Variants in SLC6A2 observed in about 807,000 individuals in gnomAD.
The protein encoded by SLC6A2 is solute carrier family 6 member 2.
Under a neutral mutation model 71.7 loss-of-function variants are expected in SLC6A2, and 26 were observed. The observed-to-expected ratio is 0.36, with a 90% CI of 0.27 to 0.50. The LOEUF (loss-of-function observed/expected upper bound fraction) is 0.50, where lower values mean the gene tolerates loss of function less well. Ranked by LOEUF, SLC6A2 falls within the 20% of genes least tolerant of loss-of-function variation. SLC6A2 has a pLI of 0.96. For missense variants in SLC6A2, 581 were observed against 803.9 expected, an observed-to-expected ratio of 0.72 and a Z score of 3.35; for synonymous variants, 363 against 337.9, an observed-to-expected ratio of 1.07 and a Z score of -0.82.
intron 3 of SLC6A2, chr16:55,671,522 G>C (rs1023662781): frequency 4.0e-4 from 140 of 351,216 alleles, no homozygotes; most frequent in Non-Finnish European, 9.8e-5. Flanking sequence ...CAGGAGGTGA[G>C]CAGCGGGTAA....
At chr16:55,689,791 G>A (rs954195697) in intron 5 of SLC6A2, among the ~76,000 whole-genome samples, 8 of 152,162 alleles carry the variant, frequency 5.3e-5, no homozygotes, top group African/African-American at 1.9e-4. Context: ...TGTCCTTCCT[G>A]TTCTTGCCTC....
intron 4 of SLC6A2, among the ~76,000 whole-genome samples, chr16:55,680,464 A>T (rs943570701): frequency 6.6e-5 from 10 of 152,216 alleles, no homozygotes; most frequent in African/African-American, 2.2e-4. Context: ...CCGATGTTCG[A>T]GGGTAGCAAG....
intron 13 of SLC6A2, 40 bp from the exon 14 acceptor site, chr16:55,701,823 T>C (rs758891061): frequency 6.5e-7 from 1 of 1,544,046 alleles, no homozygotes; most frequent in Non-Finnish European, 9.0e-7. Context: ...AGGGTGTCCC[T>C]GGGCCAAGCT....
At position 55,703,369 on chromosome 16, in the gene SLC6A2, C is replaced by A. The variant is rs567004221; in HGVS notation, c.*1023C>A. On this transcript the variant is annotated 3_prime_UTR_variant, in exon 15 of 15. Coordinates refer to ENST00000568943, the MANE Select transcript of SLC6A2 (RefSeq NM_001172501.3). ...ACCTGCACAGCCTCCCTCTGGGGATCCCACCTGGAGTGGACCAGGGGTCTT... is the reference window on the plus strand; with the variant it reads ...ACCTGCACAGCCTCCCTCTGGGGATACCACCTGGAGTGGACCAGGGGTCTT... The A allele has an allele frequency of 4.1e-4, 407 of 985,414 alleles. 1 individual carries two copies. In the African/African-American group the frequency reaches 5.5e-3, roughly 13 times the overall value. The allele number at this position is 985,414 out of a possible 1,614,324, so 61.0% of individuals were successfully genotyped here. A position where few individuals can be genotyped will look rare whatever the true frequency, so the allele number is the denominator to read the frequency against.
In SLC6A2 at chr16:55,656,514, C is replaced by T. The variant is rs1964451980; in HGVS notation, c.-51-130C>T. On this transcript the variant is annotated intron_variant, in intron 1 of 14. Transcript: ENST00000568943. This position sits in a 1 kb window ranked among gnomAD's most constrained non-coding sequence, Gnocchi z 4.5. ...CAAATTTTTCCAGCGGACGCGCGCC[C>T]TTTTCTGGGAACCCTGCGTCCGCTC... The T allele has an allele frequency of 5.3e-6, 4 of 753,736 alleles. No homozygotes were observed. Among genetic ancestry groups the T allele is most frequent in the Non-Finnish European group, 8.8e-6 (4 of 455,568 alleles). The allele number at this position is 753,736 out of a possible 1,614,324, so 46.7% of individuals were successfully genotyped here.
chr16:55,694,707 AGGTAAGGAAATGG>A (rs1169208376), intron 7 of SLC6A2, among the ~76,000 whole-genome samples: 2 of 152,098 alleles, frequency 1.3e-5, no homozygotes, highest in African/African-American at 4.8e-5. Context: ...GGCTATAGGG[AGGTAAGGAAATGG>A]GGTGATCAGC....
chr16:55,669,533 G>T, intron 2 of SLC6A2, 32 bp from the exon 3 acceptor site: 1 of 1,612,866 alleles, frequency 6.2e-7, no homozygotes, highest in Non-Finnish European at 8.5e-7. Flanking sequence ...GCAGGGGTCT[G>T]TCAGGTCACA....
In SLC6A2 at chr16:55,685,166, A is replaced by T; in HGVS notation, c.668A>T (p.Glu223Val). The change falls in exon 5 of 15, where the codon GAG becomes GTG. Residue 223 changes from glutamate to valine, a missense_variant. Transcript: ENST00000568943. ...AGGCGTGGTGTCCTGCACCTTCACG[A>T]GAGCAGCGGGATTCATGACATCGGC... ...FYERGVLHLH[E>V]SSGIHDIGLP... is the part of the protein sequence containing the mutation. 6.2e-7 allele frequency: 1 copy of T among 1,614,068 alleles called. No individual in the cohort carries two copies. Among genetic ancestry groups the T allele is most frequent in the Non-Finnish European group, 8.5e-7 (1 of 1,180,014 alleles).
At chr16:55,670,155 G>A (rs1964865991) in intron 3 of SLC6A2, among the ~76,000 whole-genome samples, 1 of 152,204 alleles carries the variant, frequency 6.6e-6, no homozygotes, top group Admixed American at 6.5e-5. Flanking sequence ...TTGCATTTGG[G>A]ACTAAGAACA....
chr16:55,691,206 AAG>A (rs1480726235), intron 5 of SLC6A2, among the ~76,000 whole-genome samples: 7 of 120,396 alleles, frequency 5.8e-5, no homozygotes, highest in African/African-American at 1.9e-4. Context: ...AAGAGAGAAA[AAG>A]AGAGGGGGGG....
At position 55,656,093 on chromosome 16, in the gene SLC6A2, C is replaced by T. The variant is rs1964438658; in HGVS notation, c.-128C>T. The T allele has an allele frequency of 6.5e-6, 1 of 154,056 alleles. No homozygotes were observed. Among genetic ancestry groups the T allele is most frequent in the Non-Finnish European group, 1.4e-5 (1 of 69,442 alleles). The allele number at this position is 154,056 out of a possible 1,614,324, so 9.5% of individuals were successfully genotyped here. ...GGCGGAGCCCAGCCCCAGCCCGCGC[C>T]CTAGAGCCTGCCAAGGCGCCGCCGG... On this transcript the variant is annotated 5_prime_UTR_variant, in exon 1 of 15. Transcript: ENST00000568943. This position sits in a 1 kb window ranked among gnomAD's most constrained non-coding sequence, Gnocchi z 4.5.
Position 55,705,140 on chromosome 16 carries a change from AT to A in SLC6A2, c.*2795del. The A allele has an allele frequency of 9.6e-7, 1 of 1,046,748 alleles. No homozygotes were observed. Among genetic ancestry groups the A allele is most frequent in the African/African-American group, 1.6e-5 (1 of 62,636 alleles). 64.8% of individuals were successfully genotyped at this position (1,046,748 alleles called of 1,614,324 possible). A position where few individuals can be genotyped will look rare whatever the true frequency, so the allele number is the denominator to read the frequency against. ...TATTATTTTTCATGAAATGTAAAAT[AT>A]CAGTTTGAGAACATCACATTTACGT... On this transcript the variant is annotated 3_prime_UTR_variant, in exon 15 of 15. Coordinates refer to ENST00000568943, the MANE Select transcript of SLC6A2 (RefSeq NM_001172501.3).
chr16:55,674,251 A>G (rs1965012499), intron 4 of SLC6A2, among the ~76,000 whole-genome samples: 1 of 151,934 alleles, frequency 6.6e-6, no homozygotes, highest in Admixed American at 6.6e-5. Context: ...TGTGTACTCA[A>G]TATTTAGCTT....
intron 4 of SLC6A2, among the ~76,000 whole-genome samples, chr16:55,679,610 G>A (rs1965204656): frequency 6.6e-6 from 1 of 152,270 alleles, no homozygotes; most frequent in African/African-American, 2.4e-5. Context: ...TAGCAGAGGG[G>A]TCTAAGTCAG....
intron 7 of SLC6A2, 118 bp downstream of exon 7, chr16:55,694,231 T>A (rs1371328084): frequency 1.0e-5 from 8 of 765,926 alleles, no homozygotes; most frequent in African/African-American, 1.7e-5. Flanking sequence ...AATTTTCTTC[T>A]TGTGAACCAT....
intron 2 of SLC6A2, among the ~76,000 whole-genome samples, chr16:55,662,904 A>G (rs1490849675): frequency 2.6e-5 from 4 of 152,318 alleles, no homozygotes; most frequent in African/African-American, 9.6e-5. Flanking sequence ...CTCCCAGCAC[A>G]TCAGGCAAGT....
At chr16:55,696,950 C>T (rs1248149070) in intron 9 of SLC6A2, among the ~76,000 whole-genome samples, 1 of 152,192 alleles carries the variant, frequency 6.6e-6, no homozygotes, top group Non-Finnish European at 1.5e-5. Flanking sequence ...TACCACTGCA[C>T]TTCAACCTGG....
chr16:55,656,569 C>A lies in SLC6A2; in HGVS notation c.-51-75C>A. The A allele has an allele frequency of 8.2e-7, 1 of 1,225,632 alleles. No homozygotes were observed. Among genetic ancestry groups the A allele is most frequent in the South Asian group, 1.2e-5 (1 of 82,376 alleles). 75.9% of individuals were successfully genotyped at this position (1,225,632 alleles called of 1,614,324 possible). ...CGCGCTCATCCCAGTGTCTAAGGCG[C>A]TCCCGGGTGGTCTTGGGAGTTGCAA... On this transcript the variant is annotated intron_variant, in intron 1 of 14. Transcript: ENST00000568943. This position sits in a 1 kb window ranked among gnomAD's most constrained non-coding sequence, Gnocchi z 4.5.
chr16:55,669,889 T>A (rs1170059429), intron 3 of SLC6A2, among the ~76,000 whole-genome samples, 193 bp downstream of exon 3: 1 of 152,164 alleles, frequency 6.6e-6, no homozygotes, highest in Admixed American at 6.5e-5. Context: ...AGCATTAGCA[T>A]AGAAATTCTG....
Sources: allele counts gnomAD v4.1 joint callset (sites outside exome capture counted in the v4.1 genomes callset), GRCh38; gene constraint gnomAD v4.1.1; non-coding constraint Gnocchi (gnomAD v3.1); transcripts MANE v1.5; gene names NCBI Gene and HGNC (gene_info 2026-07-23, HGNC 2026-07-21).